TENM4: variants seen among roughly 807,000 people sequenced by gnomAD.
TENM4 encodes teneurin transmembrane protein 4, also known as teneurin-4.
TENM4 carries 82 observed loss-of-function variants against 243.3 expected under a neutral mutation model. The ratio of observed to expected loss-of-function variants is 0.34; its 90% CI spans 0.28 to 0.40. The LOEUF is 0.40. Among genes scored for constraint, TENM4 ranks in the 10% least tolerant of loss-of-function variants. The pLI, the probability that TENM4 is intolerant of heterozygous loss-of-function variation, is 1.00. For synonymous variants in TENM4, 1,412 were observed against 1,456.3 expected, an observed-to-expected ratio of 0.97 and a Z score of 0.69; for missense variants, 3,138 against 3,673.3, an observed-to-expected ratio of 0.85 and a Z score of 3.77.
chr11:78,734,814 C>T (rs1855750840), intron 20 of TENM4, among the ~76,000 whole-genome samples: 1 of 152,196 alleles, frequency 6.6e-6, no homozygotes, highest in Admixed American at 6.5e-5. Flanking sequence ...TCTGTCTTTT[C>T]AGAAACTAGC....
At chr11:79,079,087 C>T (rs1020500902) in intron 4 of TENM4, among the ~76,000 whole-genome samples, 1 of 152,246 alleles carries the variant, frequency 6.6e-6, no homozygotes, top group Non-Finnish European at 1.5e-5. Context: ...CTGCTTGATA[C>T]GTGCCCTGTA....
intron 1 of TENM4, among the ~76,000 whole-genome samples, chr11:79,437,113 G>A (rs1859286831): frequency 6.6e-6 from 1 of 152,208 alleles, no homozygotes; most frequent in Admixed American, 6.5e-5. Flanking sequence ...CCACTAAGTG[G>A]AAGGGCTTCC....
intron 4 of TENM4, among the ~76,000 whole-genome samples, chr11:79,103,268 T>C (rs1861280023): frequency 1.3e-5 from 2 of 152,150 alleles, no homozygotes; most frequent in Non-Finnish European, 2.9e-5. Context: ...CCCCTGGGAT[T>C]TACCCAGCAT....
At chr11:79,058,506 T>G (rs1287840715) in intron 6 of TENM4, among the ~76,000 whole-genome samples, 1 of 149,180 alleles carries the variant, frequency 6.7e-6, no homozygotes, top group East Asian at 2.0e-4. Flanking sequence ...ATCGTGCCAC[T>G]GCACTCCAGC....
At chr11:78,885,714 G>A in intron 9 of TENM4, among the ~76,000 whole-genome samples, 1 of 152,220 alleles carries the variant, frequency 6.6e-6, no homozygotes, top group East Asian at 1.9e-4. Flanking sequence ...GAGGCCAGGA[G>A]TTTATGGCAG....
At chr11:78,748,801 G>A (rs1856113576) in intron 19 of TENM4, among the ~76,000 whole-genome samples, 1 of 152,184 alleles carries the variant, frequency 6.6e-6, no homozygotes, top group Non-Finnish European at 1.5e-5. Context: ...CTTGGTAAAT[G>A]TTAGGTGTTA....
At chr11:79,210,731 A>T (rs1189939076) in intron 3 of TENM4, among the ~76,000 whole-genome samples, 6 of 152,196 alleles carry the variant, frequency 3.9e-5, no homozygotes, top group African/African-American at 1.4e-4. Flanking sequence ...TGCCTGGCAC[A>T]TAGTGAGTGC....
intron 6 of TENM4, among the ~76,000 whole-genome samples, chr11:79,063,940 T>G (rs1267185459): frequency 6.6e-6 from 1 of 152,194 alleles, no homozygotes; most frequent in Non-Finnish European, 1.5e-5. Flanking sequence ...AAGTTTATTT[T>G]TTTTTGTCTT....
At chr11:78,928,466 A>G (rs1004069192) in intron 6 of TENM4, among the ~76,000 whole-genome samples, 1 of 152,222 alleles carries the variant, frequency 6.6e-6, no homozygotes, top group African/African-American at 2.4e-5. Flanking sequence ...ACAACAAGGA[A>G]ATAGGTCAAA....
chr11:79,219,496 G>A (rs1864117623), intron 2 of TENM4, among the ~76,000 whole-genome samples: 1 of 152,186 alleles, frequency 6.6e-6, no homozygotes. Flanking sequence ...CATTGGGCAG[G>A]CTATTAGGTG....
chr11:79,343,737 C>T (rs1184010666), intron 1 of TENM4, among the ~76,000 whole-genome samples: 3 of 152,172 alleles, frequency 2.0e-5, no homozygotes, highest in South Asian at 2.1e-4. Context: ...AACGAACAAG[C>T]TTGTTACCAG....
chr11:79,355,266 C>T (rs1225883439), intron 1 of TENM4, among the ~76,000 whole-genome samples: 1 of 152,202 alleles, frequency 6.6e-6, no homozygotes, highest in African/African-American at 2.4e-5. Context: ...GTCATGGTGA[C>T]TCACACCTGC....
intron 6 of TENM4, among the ~76,000 whole-genome samples, chr11:79,005,117 T>C (rs1325218180): frequency 1.3e-5 from 2 of 152,172 alleles, no homozygotes; most frequent in African/African-American, 4.8e-5. Context: ...GAATCAGTAA[T>C]GAAAAGCCTA....
At chr11:79,269,058 CT>C (rs771778310) in intron 2 of TENM4, among the ~76,000 whole-genome samples, 29 of 152,308 alleles carry the variant, frequency 1.9e-4, no homozygotes, top group South Asian at 8.3e-4. Context: ...TGATCAGAGG[CT>C]TACAGGAACC....
At chr11:79,422,606 C>T (rs528324655) in intron 1 of TENM4, among the ~76,000 whole-genome samples, 7 of 152,266 alleles carry the variant, frequency 4.6e-5, no homozygotes, top group South Asian at 4.2e-4. Context: ...GAGAGAAACT[C>T]GCTGGAGAGG....
intron 2 of TENM4, among the ~76,000 whole-genome samples, chr11:79,226,211 A>G (rs1302426002): frequency 6.6e-6 from 1 of 152,212 alleles, no homozygotes; most frequent in Non-Finnish European, 1.5e-5. Context: ...AAAACAAGAA[A>G]GCCCAGCCAA....
At chr11:79,088,019 G>C (rs948039900) in intron 4 of TENM4, among the ~76,000 whole-genome samples, 7 of 152,230 alleles carry the variant, frequency 4.6e-5, no homozygotes, top group Non-Finnish European at 2.9e-5. Flanking sequence ...TGTTACACCT[G>C]GGTCACTGGA....
intron 28 of TENM4, among the ~76,000 whole-genome samples, chr11:78,694,126 C>A (rs1369368490): frequency 1.3e-5 from 2 of 152,190 alleles, no homozygotes; most frequent in East Asian, 3.8e-4. Context: ...TACTTCATCT[C>A]GAGCCACTTA....
chr11:79,289,797 C>T (rs1856322837), intron 2 of TENM4, among the ~76,000 whole-genome samples: 1 of 152,156 alleles, frequency 6.6e-6, no homozygotes. Flanking sequence ...TTTACTTACT[C>T]CTCAACAAAG....
Sources: gnomAD v4.1 joint callset for allele counts (sites outside exome capture counted in the v4.1 genomes callset) on GRCh38, gnomAD v4.1.1 for gene constraint, MANE v1.5 for transcripts, NCBI Gene and HGNC (gene_info 2026-07-23, HGNC 2026-07-21) for gene names.